The following PADI2 variants were observed in gnomAD, a reference collection of about 807,000 sequenced individuals.
PADI2 encodes peptidyl arginine deiminase 2, also known as protein-arginine deiminase type-2.
A neutral mutation model predicts 81.1 loss-of-function variants in PADI2; 70 were observed. That is an observed-to-expected ratio of 0.86 (90% CI 0.71 to 1.05). The LOEUF is 1.05. Ranked by LOEUF, PADI2 falls within the 50% of genes least tolerant of loss-of-function variation. The pLI, the probability that PADI2 is intolerant of heterozygous loss-of-function variation, is 0.00. For synonymous variants in PADI2, 338 were observed against 358.0 expected (o/e 0.94, Z 0.63); for missense variants, 853 against 889.9 (o/e 0.96, Z 0.53).
rs1445303129 is a variant in PADI2 at position 17,083,781 on chromosome 1, T to C, written c.995A>G (p.Asn332Ser). The C allele has an allele frequency of 3.7e-6, 6 of 1,613,798 alleles. No individual in the cohort carries two copies. Among genetic ancestry groups the C allele is most frequent in the Admixed American group, 3.3e-5 (2 of 60,004 alleles). The change falls in exon 9 of 16, where the codon AAC becomes AGC. Residue 332 changes from asparagine to serine, a missense_variant. Asn to Ser is a conservative substitution (Grantham distance 46, BLOSUM62 1). Coordinates refer to ENST00000375486, the MANE Select transcript of PADI2 (RefSeq NM_007365.3). ...KEVKNLVEKT[N>S]CELKVCFQYL... ...CTGGAAGCAGACCTTCAGCTCACAG[T>C]TGGTTTTCTCCACAAGGTTCTTCAC...
intron 13 of PADI2, among the ~76,000 whole-genome samples, chr1:17,074,593 G>A (rs756737867): frequency 2.0e-5 from 3 of 152,118 alleles, no homozygotes; most frequent in Non-Finnish European, 2.9e-5. Flanking sequence ...TAAAGTATAC[G>A]CTAGGGCTTG....
At chr1:17,076,919 C>T (rs1052355503) in intron 11 of PADI2, among the ~76,000 whole-genome samples, 3 of 152,132 alleles carry the variant, frequency 2.0e-5, no homozygotes, top group African/African-American at 7.2e-5. Flanking sequence ...TGCAATCTCT[C>T]CATTATCCTC....
At chr1:17,085,840 C>T (rs1930362696) in intron 7 of PADI2, among the ~76,000 whole-genome samples, 1 of 152,178 alleles carries the variant, frequency 6.6e-6, no homozygotes, top group Non-Finnish European at 1.5e-5. Flanking sequence ...GCGAGAGCAG[C>T]CAGGTCCTTC....
At chr1:17,079,115 C>A in intron 11 of PADI2, 149 bp downstream of exon 11, 1 of 609,676 alleles carries the variant, frequency 1.6e-6, no homozygotes, top group Non-Finnish European at 2.9e-6. Flanking sequence ...ATTTTCTTTC[C>A]AAGAGTGTCG....
Position 17,079,401 on chromosome 1 carries a change from G to A in PADI2, c.1173C>T (p.Gly391=). ...CAAAGAGGGGCTCCCGGGTCACGTA[G>A]CCAAAATCTGGGCCCTAGGCAGAGG... The part of the protein sequence containing the change: ...PVKELLGPDF[G]YVTREPLFES... Residue 391 remains glycine, a synonymous_variant, in exon 11 of 16, where the codon GGC becomes GGT. Transcript: ENST00000375486. The A allele has an allele frequency of 6.2e-7, 1 of 1,613,864 alleles. No individual in the cohort carries two copies.
At chr1:17,077,754 T>C (rs913399871) in intron 11 of PADI2, among the ~76,000 whole-genome samples, 2 of 152,188 alleles carry the variant, frequency 1.3e-5, no homozygotes. Flanking sequence ...GAGCATCCCA[T>C]GTGGCTCGGA....
chr1:17,103,546 C>T (rs1931228860), intron 2 of PADI2, among the ~76,000 whole-genome samples: 1 of 152,118 alleles, frequency 6.6e-6, no homozygotes, highest in African/African-American at 2.4e-5. Context: ...TACAGATAGA[C>T]CAAGGACACT....
intron 5 of PADI2, among the ~76,000 whole-genome samples, chr1:17,093,353 C>A (rs1930774963): frequency 6.6e-6 from 1 of 152,120 alleles, no homozygotes; most frequent in African/African-American, 2.4e-5. Flanking sequence ...CTTGGCCTCC[C>A]AAAATGCTAG....
intron 3 of PADI2, among the ~76,000 whole-genome samples, chr1:17,097,530 C>T (rs1465454136): frequency 6.6e-6 from 1 of 152,220 alleles, no homozygotes; most frequent in Non-Finnish European, 1.5e-5. Context: ...CTCCACATTT[C>T]ACTGCTGAGG....
Position 17,074,960 on chromosome 1 carries a change from C to T in PADI2, c.1456-11G>A. On this transcript the variant is annotated splice_polypyrimidine_tract_variant and intron_variant, in intron 12 of 15. Transcript: ENST00000375486. ...GAGTAGCAGGAATTTCTGCAAGAGA[C>T]AGTCCAGAGGGACAGAGTCAGCAGT... The T allele has an allele frequency of 1.9e-6, 3 of 1,592,604 alleles. No homozygotes were observed. Among genetic ancestry groups the T allele is most frequent in the Non-Finnish European group, 2.6e-6 (3 of 1,161,916 alleles).
chr1:17,080,981 G>C (rs1189525890), intron 10 of PADI2, among the ~76,000 whole-genome samples: 1 of 152,348 alleles, frequency 6.6e-6, no homozygotes, highest in Admixed American at 6.5e-5. Context: ...AGGCTGGGGT[G>C]CTGGGGCTCT....
Position 17,104,861 on chromosome 1 carries a change from A to T in PADI2, c.276+17T>A. 6.5e-7 allele frequency: 1 copy of T among 1,549,970 alleles called. No individual in the cohort carries two copies. Among genetic ancestry groups the T allele is most frequent in the South Asian group, 1.2e-5 (1 of 86,194 alleles). On this transcript the variant is annotated intron_variant, in intron 2 of 15. Transcript: ENST00000375486. ...ATGGTCCCGGGCCCGCAGAGGCTGG[A>T]CTTCCCGCCGTGGTACCTTGTCACT... is the stretch of plus-strand genomic sequence containing the variant.
At chr1:17,085,185 T>G (rs2078376139) in intron 7 of PADI2, among the ~76,000 whole-genome samples, 1 of 152,222 alleles carries the variant, frequency 6.6e-6, no homozygotes, top group South Asian at 2.1e-4. Context: ...TCGCGTTGTT[T>G]TGGGTCAGTT....
chr1:17,073,612 G>C (rs1484496082), intron 13 of PADI2, among the ~76,000 whole-genome samples: 2 of 152,098 alleles, frequency 1.3e-5, no homozygotes, highest in African/African-American at 4.8e-5. Flanking sequence ...GACTATTAGA[G>C]TGGGGAGGGA....
At chr1:17,109,439 T>G (rs968023220) in intron 1 of PADI2, among the ~76,000 whole-genome samples, 3 of 146,612 alleles carry the variant, frequency 2.0e-5, no homozygotes, top group African/African-American at 7.6e-5. Flanking sequence ...TCCACTGGAT[T>G]CCTGCCACTC....
chr1:17,086,630 G>A lies in PADI2; in HGVS notation c.725C>T (p.Thr242Met), dbSNP rs371320560. 49 of 1,613,874 alleles carry A rather than the reference G, an allele frequency of 3.0e-5. No homozygotes were observed. The highest frequency in any genetic ancestry group is 1.3e-4 in the African/African-American group (10 of 74,918). Reference sequence around the variant, plus strand: ...GAACAGCAGCTCCGCGGAGCCACCCGTGTACTTGACCACATGGTAGAGCTT... The same window carrying A: ...GAACAGCAGCTCCGCGGAGCCACCCATGTACTTGACCACATGGTAGAGCTT... ...RRKLYHVVKYTGGSAELLFFV... is the reference protein window; with the variant it reads ...RRKLYHVVKYMGGSAELLFFV... Residue 242 changes from threonine to methionine, a missense_variant, in exon 7 of 16, where the codon ACG becomes ATG. By Grantham distance (81) the Thr-to-Met change is moderately conservative. Transcript: ENST00000375486.
Position 17,119,259 on chromosome 1 carries a change from C to A in PADI2, c.92+21G>T, listed in dbSNP as rs376843338. ...TCTGGGCTCGAGATCTCGGCCCGGG[C>A]ATCACGGTGGGCCGGCTCACCTGTA... On this transcript the variant is annotated intron_variant, in intron 1 of 15. Coordinates refer to ENST00000375486, the MANE Select transcript of PADI2 (RefSeq NM_007365.3). This position sits in a 1 kb window ranked among gnomAD's most constrained non-coding sequence, Gnocchi z 4.8. 10 of 1,478,568 alleles carry A rather than the reference C, an allele frequency of 6.8e-6. No individual in the cohort carries two copies. Among genetic ancestry groups the A allele is most frequent in the African/African-American group, 1.4e-5 (1 of 69,038 alleles). The allele number at this position is 1,478,568 out of a possible 1,614,324, so 91.6% of individuals were successfully genotyped here. A position where few individuals can be genotyped will look rare whatever the true frequency, so the allele number is the denominator to read the frequency against.
At chr1:17,082,793 C>T in intron 9 of PADI2, 141 bp from the exon 10 acceptor site, 1 of 600,170 alleles carries the variant, frequency 1.7e-6, no homozygotes, top group East Asian at 2.9e-5. Flanking sequence ...CATCCTCCTC[C>T]CCTCACACTG....
Position 17,093,574 on chromosome 1 carries a change from G to A in PADI2, c.522C>T (p.Ser174=), listed in dbSNP as rs1930786475. Residue 174 remains serine, a synonymous_variant, in exon 5 of 16, where the codon AGC becomes AGT. Transcript: ENST00000375486. The part of the protein sequence containing the change: ...KEDCRDEKVY[S]KEDLKDMSQM... ...TGCAGGGCCTGCTGGCACCTTCCTT[G>A]CTGTAGACCTTCTCATCACGGCAGT... 2.5e-6 allele frequency: 4 copies of A among 1,602,944 alleles called. No homozygotes were observed. In the East Asian group the frequency reaches 6.7e-5, roughly 27 times the overall value.
Sources: gnomAD v4.1 joint callset for allele counts (sites outside exome capture counted in the v4.1 genomes callset) on GRCh38, gnomAD v4.1.1 for gene constraint, Gnocchi (gnomAD v3.1) non-coding constraint, MANE v1.5 for transcripts, NCBI Gene and HGNC (gene_info 2026-07-23, HGNC 2026-07-21) for gene names.